The following SPECC1L variants were observed in gnomAD, a reference collection of about 807,000 sequenced individuals.
SPECC1L encodes cytospin-A.
A neutral mutation model predicts 116.8 loss-of-function variants in SPECC1L; 40 were observed. That is an observed-to-expected ratio of 0.34 (90% CI 0.27 to 0.45). SPECC1L has a LOEUF of 0.45. Ranked by LOEUF, SPECC1L falls within the 20% of genes least tolerant of loss-of-function variation. The pLI is 1.00. For missense variants in SPECC1L, 1,110 were observed against 1,373.6 expected (o/e 0.81, Z 3.03); for synonymous variants, 504 against 500.6 (o/e 1.01, Z -0.09).
intron 14 of SPECC1L, among the ~76,000 whole-genome samples, chr22:24,405,459 T>A (rs369865007): frequency 3.8e-4 from 57 of 151,972 alleles, no homozygotes; most frequent in African/African-American, 1.4e-3. Context: ...TCTCGGTGAT[T>A]CTGTTGCGTG....
At chr22:24,393,221 TCTTA>T (rs1484709360) in intron 14 of SPECC1L, among the ~76,000 whole-genome samples, 6 of 152,224 alleles carry the variant, frequency 3.9e-5, no homozygotes, top group Non-Finnish European at 5.9e-5. Context: ...GACTGTTATC[TCTTA>T]CTTAAGTAAT....
At chr22:24,367,029 A>C (rs2041782237) in intron 13 of SPECC1L, among the ~76,000 whole-genome samples, 1 of 152,172 alleles carries the variant, frequency 6.6e-6, no homozygotes, top group Admixed American at 6.5e-5. Context: ...CCCCATCTGT[A>C]CTAAAAATAC....
intron 14 of SPECC1L, among the ~76,000 whole-genome samples, chr22:24,390,604 A>G (rs1409204364): frequency 6.6e-6 from 1 of 152,142 alleles, no homozygotes; most frequent in African/African-American, 2.4e-5. Flanking sequence ...AGGGGTTAAA[A>G]ATACTTGAAC....
chr22:24,318,413 C>G (rs1190789857), intron 4 of SPECC1L, among the ~76,000 whole-genome samples: 2 of 151,450 alleles, frequency 1.3e-5, no homozygotes, highest in Admixed American at 6.6e-5. Context: ...CGCAGGCACT[C>G]GGCAGGCTGA....
At chr22:24,298,884 T>A (rs982452586) in intron 2 of SPECC1L, among the ~76,000 whole-genome samples, 3 of 152,234 alleles carry the variant, frequency 2.0e-5, no homozygotes, top group African/African-American at 7.2e-5. Context: ...TTTGACCAAA[T>A]GTCTGGGCAC....
At chr22:24,411,479 T>C in intron 14 of SPECC1L, 109 bp from the exon 15 acceptor site, 1 of 1,010,588 alleles carries the variant, frequency 9.9e-7, no homozygotes, top group Non-Finnish European at 1.6e-6. Context: ...TGGTTTTGGT[T>C]TTGTGTTTTG....
chr22:24,310,275 C>T (rs913846082), intron 3 of SPECC1L, among the ~76,000 whole-genome samples: 6 of 152,080 alleles, frequency 3.9e-5, no homozygotes, highest in African/African-American at 1.4e-4. Context: ...GCATTTAAGG[C>T]GTACCAGTAT....
chr22:24,360,607 A>G (rs1011997125), intron 11 of SPECC1L, among the ~76,000 whole-genome samples: 4 of 152,202 alleles, frequency 2.6e-5, no homozygotes, highest in African/African-American at 9.7e-5. Flanking sequence ...GAGAAAATTA[A>G]GATAACTTAG....
intron 14 of SPECC1L, among the ~76,000 whole-genome samples, chr22:24,411,224 G>C (rs1001925851): frequency 1.3e-5 from 2 of 151,840 alleles, no homozygotes; most frequent in Non-Finnish European, 2.9e-5. Flanking sequence ...AACAAAAAAG[G>C]GGGGGTCATT....
chr22:24,381,143 A>G (rs560711499), intron 14 of SPECC1L, among the ~76,000 whole-genome samples: 112 of 152,318 alleles, frequency 7.4e-4, no homozygotes, highest in Middle Eastern at 3.4e-3. Flanking sequence ...CTTTGGTTTT[A>G]GATTTTATAT....
intron 6 of SPECC1L, among the ~76,000 whole-genome samples, chr22:24,326,968 A>G (rs1237698073): frequency 2.6e-5 from 4 of 152,142 alleles, no homozygotes; most frequent in Admixed American, 6.6e-5. Flanking sequence ...GTTAAAGTGA[A>G]TTCATGCCAT....
rs755524534 is a variant in SPECC1L, at chr22:24,325,510, G to A, written c.2146+1083G>A. 4.6e-5 allele frequency among the ~76,000 whole-genome samples: 7 copies of A among 151,804 alleles called. No homozygotes were observed. The South Asian group carries it at 8.3e-4, about 18-fold the overall frequency. ...TTTATTCTGTCTGAGTATTTCCACT[G>A]GCTGCCACTTTCCCTTTTACTTAAA... On this transcript the variant is annotated intron_variant, in intron 6 of 16. Transcript: ENST00000314328.
At chr22:24,286,982 C>CCAGA in intron 2 of SPECC1L, among the ~76,000 whole-genome samples, 1 of 152,108 alleles carries the variant, frequency 6.6e-6, no homozygotes, top group East Asian at 1.9e-4. Flanking sequence ...TCTAAGTATA[C>CCAGA]CCTAAATGTT....
At chr22:24,311,030 C>T (rs1414933111) in intron 3 of SPECC1L, among the ~76,000 whole-genome samples, 1 of 152,172 alleles carries the variant, frequency 6.6e-6, no homozygotes, top group Non-Finnish European at 1.5e-5. Flanking sequence ...CTCTTGTTTT[C>T]TCCCTTGCTG....
chr22:24,404,205 C>A (rs1007389439), intron 14 of SPECC1L, among the ~76,000 whole-genome samples: 1 of 152,184 alleles, frequency 6.6e-6, no homozygotes, highest in South Asian at 2.1e-4. Flanking sequence ...ATGGCCATTA[C>A]TTGTTGGAGT....
In SPECC1L at chr22:24,411,635, C is replaced by T. The variant is rs1348892838; in HGVS notation, c.3135C>T (p.Ala1045=). The change falls in exon 15 of 17, where the codon GCC becomes GCT. Residue 1045 remains alanine (A), a synonymous_variant. Transcript: ENST00000314328. ...NFSSSWNDGL[A]FCALLHTYLP... is the part of the protein sequence containing the mutation. ...GCAGCAGCTGGAATGATGGGCTGGC[C>T]TTCTGTGCCCTCCTGCATACATATC... 2 of 1,614,062 alleles carry T rather than the reference C, an allele frequency of 1.2e-6. No homozygotes were observed. Among genetic ancestry groups the T allele is most frequent in the Admixed American group, 1.7e-5 (1 of 60,018 alleles).
intron 9 of SPECC1L, among the ~76,000 whole-genome samples, 174 bp from the exon 10 acceptor site, chr22:24,338,212 G>A (rs1438526617): frequency 6.6e-6 from 1 of 152,232 alleles, no homozygotes; most frequent in African/African-American, 2.4e-5. Context: ...GGGAGGAAAA[G>A]CACCTGTGTG....
At chr22:24,302,080 T>G in intron 2 of SPECC1L, 115 bp from the exon 3 acceptor site, 1 of 827,302 alleles carries the variant, frequency 1.2e-6, no homozygotes, top group Non-Finnish European at 1.9e-6. Context: ...AACTTTTCTG[T>G]AGTGACATCT....
Position 24,322,368 on chromosome 22 carries a change from T to C in SPECC1L, c.1388T>C (p.Ile463Thr). 5.0e-6 allele frequency: 8 copies of C among 1,614,232 alleles called. No homozygotes were observed. Among genetic ancestry groups the C allele is most frequent in the Non-Finnish European group, 6.8e-6 (8 of 1,180,042 alleles). ...AAGTTGGAACACTTTAGTCGACAGA[T>C]TGAATACTTCCGCTCTCTTCTAGAT... is the stretch of plus-strand genomic sequence containing the variant. ...SDKLEHFSRQ[I>T]EYFRSLLDEH... is the part of the protein sequence containing the mutation. The change falls in exon 5 of 17, where the codon ATT (isoleucine) becomes ACT (threonine). Residue 463 changes from isoleucine to threonine, a missense_variant. Coordinates refer to ENST00000314328, the MANE Select transcript of SPECC1L (RefSeq NM_015330.6).
Sources: gnomAD v4.1 joint callset for allele counts (sites outside exome capture counted in the v4.1 genomes callset) on GRCh38, gnomAD v4.1.1 for gene constraint, MANE v1.5 for transcripts, NCBI Gene and HGNC (gene_info 2026-07-23, HGNC 2026-07-21) for gene names.